The following CPAMD8 variants were observed in gnomAD, a reference collection of about 807,000 sequenced individuals.
The protein encoded by CPAMD8 is C3 and PZP-like alpha-2-macroglobulin domain-containing protein 8.
CPAMD8 carries 146 observed loss-of-function variants against 224.7 expected under a neutral mutation model. The ratio of observed to expected loss-of-function variants is 0.65; its 90% CI spans 0.57 to 0.75. The LOEUF is 0.75. CPAMD8 is among the 30% of genes least tolerant of loss of function. CPAMD8 has a pLI of 0.00. For missense variants in CPAMD8, 2,301 were observed against 2,537.5 expected (o/e 0.91, Z 2.00); for synonymous variants, 966 against 1,044.6 (o/e 0.92, Z 1.45).
At chr19:16,968,853 G>A (rs1238522939) in intron 18 of CPAMD8, among the ~76,000 whole-genome samples, 1 of 152,060 alleles carries the variant, frequency 6.6e-6, no homozygotes, top group Non-Finnish European at 1.5e-5. Flanking sequence ...GCCCAGGCTG[G>A]TCTCAAACTC....
chr19:17,018,717 TACACACAC>T lies in CPAMD8; in HGVS notation c.267+1606_267+1613del, dbSNP rs367984655. Among the ~76,000 whole-genome samples, 1,204 of 136,818 alleles carry T rather than the reference TACACACAC, an allele frequency of 8.8e-3. 16 individuals carry two copies. Among genetic ancestry groups the T allele is most frequent in the Admixed American group, 0.018 (241 of 13,468 alleles). The allele number at this position is 136,818 out of a possible 152,430, so 89.8% of individuals were successfully genotyped here. A position where few individuals can be genotyped will look rare whatever the true frequency, so the allele number is the denominator to read the frequency against. On this transcript the variant is annotated intron_variant, in intron 3 of 41. Transcript: ENST00000443236. Reference sequence around the variant, plus strand: ...GGTAAAACCCCATCTCTACTAAAAATACACACACACACACACACACACACACACACACA... The same window carrying T: ...GGTAAAACCCCATCTCTACTAAAAATACACACACACACACACACACACACA...
chr19:16,948,104 T>A (rs1010796229), intron 20 of CPAMD8, among the ~76,000 whole-genome samples: 20 of 152,234 alleles, frequency 1.3e-4, no homozygotes, highest in African/African-American at 4.8e-4. Context: ...TGGGTGCATA[T>A]GCAAGCACGT....
intron 29 of CPAMD8, among the ~76,000 whole-genome samples, chr19:16,914,166 C>T (rs531612627): frequency 4.6e-5 from 7 of 152,322 alleles, no homozygotes; most frequent in African/African-American, 1.4e-4. Flanking sequence ...ATGGGAGGCT[C>T]TGTACTCAGG....
At chr19:16,956,572 G>A (rs954010924) in intron 19 of CPAMD8, among the ~76,000 whole-genome samples, 1 of 152,168 alleles carries the variant, frequency 6.6e-6, no homozygotes, top group Admixed American at 6.6e-5. Flanking sequence ...GCTCACACCT[G>A]TAATTCTAAC....
At chr19:16,990,854 ACT>A (rs1216811839) in intron 12 of CPAMD8, among the ~76,000 whole-genome samples, 1 of 124,684 alleles carries the variant, frequency 8.0e-6, no homozygotes, top group African/African-American at 3.0e-5. Context: ...TAAGAGCAAA[ACT>A]CTGTCTCAAA....
chr19:16,915,404 A>G (rs2052910617), intron 27 of CPAMD8, among the ~76,000 whole-genome samples: 1 of 152,110 alleles, frequency 6.6e-6, no homozygotes, highest in African/African-American at 2.4e-5. Flanking sequence ...GATGGAAGGA[A>G]AAAAACGAGC....
chr19:16,915,806 T>C (rs1322012647), intron 27 of CPAMD8, among the ~76,000 whole-genome samples: 2 of 134,812 alleles, frequency 1.5e-5, no homozygotes, highest in Non-Finnish European at 3.3e-5. Flanking sequence ...TGCATTAGCC[T>C]GCCCGCCTGC....
intron 23 of CPAMD8, among the ~76,000 whole-genome samples, chr19:16,930,202 C>G (rs1446652812): frequency 2.0e-5 from 3 of 151,508 alleles, no homozygotes; most frequent in Non-Finnish European, 4.4e-5. Flanking sequence ...TTTCAGTGAG[C>G]TGAGATCGTG....
At chr19:16,989,540 G>A (rs1338057346) in intron 13 of CPAMD8, 103 bp downstream of exon 13, 41 of 1,412,902 alleles carry the variant, frequency 2.9e-5, no homozygotes, top group Admixed American at 6.6e-5. Flanking sequence ...GCCTGCCTCG[G>A]CCTCCCAAAA....
At chr19:16,923,348 G>T (rs185690117) in intron 26 of CPAMD8, among the ~76,000 whole-genome samples, 5 of 152,198 alleles carry the variant, frequency 3.3e-5, no homozygotes, top group African/African-American at 1.2e-4. Flanking sequence ...GGCGACAGAG[G>T]TGGGGAGCCT....
Position 16,921,938 on chromosome 19 carries a change from G to A in CPAMD8, c.3596C>T (p.Ala1199Val), listed in dbSNP as rs766475107. Residue 1199 changes from alanine (A) to valine (V), a missense_variant, in exon 27 of 42, where the codon GCG (alanine) becomes GTG (valine). This residue lies in a region of CPAMD8 where 1,709 missense variants were observed against 1,753.2 expected (regional missense o/e 0.97). Coordinates refer to ENST00000443236, the MANE Select transcript of CPAMD8 (RefSeq NM_015692.5). ...TYKRQDGSYS[A>V]FGERDASGSM... ...CCCCGATGCGTCCCGCTCCCCAAAC[G>A]CGCTGTAGGAGCCATCCTGGCGCTT... 2 of 1,547,282 alleles carry A rather than the reference G, an allele frequency of 1.3e-6. 1 individual carries two copies. The highest frequency in any genetic ancestry group is 2.4e-5 in the South Asian group (2 of 84,050).
chr19:16,941,484 T>C (rs780058575), intron 22 of CPAMD8, among the ~76,000 whole-genome samples: 3 of 152,202 alleles, frequency 2.0e-5, no homozygotes, highest in South Asian at 4.1e-4. Flanking sequence ...GGCAAATCCA[T>C]AGAGACAGAA....
chr19:17,002,663 C>G (rs1020670469), intron 8 of CPAMD8: 3 of 238,324 alleles, frequency 1.3e-5, no homozygotes, highest in Non-Finnish European at 2.5e-5. Context: ...CTCCTAGCCC[C>G]TGTGTCTGTG....
At chr19:16,993,045 T>C (rs1227197176) in intron 12 of CPAMD8, among the ~76,000 whole-genome samples, 1 of 152,060 alleles carries the variant, frequency 6.6e-6, no homozygotes, top group Non-Finnish European at 1.5e-5. Flanking sequence ...CCAAAATGGC[T>C]CAATGTAGTT....
At chr19:16,902,924 AG>A (rs2052322870) in intron 34 of CPAMD8, 61 bp from the exon 35 acceptor site, 1 of 1,078,990 alleles carries the variant, frequency 9.3e-7, no homozygotes, top group Admixed American at 2.5e-5. Flanking sequence ...GGTGCAGGGT[AG>A]GGGAGGAGAA....
rs73016304 is a variant in CPAMD8, at chr19:16,921,857, G to A, written c.3629+48C>T. The A allele has an allele frequency of 8.1e-3, 10,105 of 1,251,594 alleles. 60 individuals carry two copies. Among genetic ancestry groups the A allele is most frequent in the Middle Eastern group, 0.015 (84 of 5,422 alleles). 77.5% of individuals were successfully genotyped at this position (1,251,594 alleles called of 1,614,324 possible). On this transcript the variant is annotated intron_variant, in intron 27 of 41. Coordinates refer to ENST00000443236, the MANE Select transcript of CPAMD8 (RefSeq NM_015692.5). Reference sequence around the variant, plus strand: ...ACTGCATTGGATGTGAGGCCATGGCGTCGGGCGGGGAGCCTCAGAGGCAAT... The same window carrying A: ...ACTGCATTGGATGTGAGGCCATGGCATCGGGCGGGGAGCCTCAGAGGCAAT...
chr19:16,982,981 T>G (rs545937957), intron 13 of CPAMD8, among the ~76,000 whole-genome samples: 22 of 152,308 alleles, frequency 1.4e-4, no homozygotes, highest in Middle Eastern at 3.4e-3. Context: ...GATCTGATAA[T>G]TTTATAAGGG....
chr19:16,928,645 T>G (rs2053448721), intron 24 of CPAMD8, among the ~76,000 whole-genome samples: 1 of 152,136 alleles, frequency 6.6e-6, no homozygotes, highest in South Asian at 2.1e-4. Context: ...TTCTTTTTCC[T>G]TGGCCCAGAA....
intron 16 of CPAMD8, among the ~76,000 whole-genome samples, chr19:16,975,533 C>T (rs185426287): frequency 9.9e-5 from 15 of 152,166 alleles, no homozygotes; most frequent in Non-Finnish European, 1.9e-4. Context: ...ATAGCAAGAC[C>T]CCGCCCCTAC....
Sources: allele counts gnomAD v4.1 joint callset (sites outside exome capture counted in the v4.1 genomes callset), GRCh38; gene constraint gnomAD v4.1.1; regional missense constraint gnomAD v4.1.1; transcripts MANE v1.5; gene names NCBI Gene and HGNC (gene_info 2026-07-23, HGNC 2026-07-21).